The following LOC400499 variants were observed in gnomAD, a reference collection of about 807,000 sequenced individuals.
At chr16:11,450,648 GC>G in the LOC400499 span, 1 of 1,536,118 alleles carries the variant, frequency 6.5e-7, no homozygotes, top group Admixed American at 2.0e-5. Context: ...CCTGGATCTT[GC>G]CTTCCCTGTT....
chr16:11,412,910 G>A, the LOC400499 span: 1 of 399,142 alleles, frequency 2.5e-6, no homozygotes, highest in Non-Finnish European at 4.4e-6. Context: ...CAGCTGCAGT[G>A]AGGAGCTCAT....
chr16:11,398,206 A>T, the LOC400499 span: 1 of 621,540 alleles, frequency 1.6e-6, no homozygotes, highest in Non-Finnish European at 2.3e-6. Context: ...CCAGTCACCC[A>T]GCAGGCAAAT....
At chr16:11,460,850 T>TGTTGG in the LOC400499 span, 3 of 1,358,164 alleles carry the variant, frequency 2.2e-6, no homozygotes, top group South Asian at 4.5e-5. Context: ...ACAGAATGAC[T>TGTTGG]AATGGAAAAC....
At chr16:11,511,095 C>G in the LOC400499 span, among the ~76,000 whole-genome samples, 1 of 146,234 alleles carries the variant, frequency 6.8e-6, no homozygotes, top group African/African-American at 2.6e-5. Context: ...CTTCTGGGCT[C>G]AGGTGATCCT....
the LOC400499 span, among the ~76,000 whole-genome samples, chr16:11,504,280 G>C: frequency 6.6e-6 from 1 of 152,226 alleles, no homozygotes; most frequent in Non-Finnish European, 1.5e-5. Flanking sequence ...CCAGGGCCTG[G>C]CGCGGTGGTT....
the LOC400499 span, chr16:11,401,309 G>T: frequency 5.5e-5 from 22 of 399,110 alleles, no homozygotes; most frequent in Non-Finnish European, 8.8e-5. Context: ...AAGGCCACTG[G>T]CCTCGGCTTG....
chr16:11,469,693 T>G, the LOC400499 span: 56 of 398,868 alleles, frequency 1.4e-4, no homozygotes, highest in Non-Finnish European at 2.3e-4. Flanking sequence ...TCTTCAAGAT[T>G]GAGAGCCTCC....
At chr16:11,398,130 G>A in the LOC400499 span, among the ~76,000 whole-genome samples, 6 of 152,146 alleles carry the variant, frequency 3.9e-5, no homozygotes, top group Admixed American at 6.5e-5. Context: ...ATCACTCTAC[G>A]TCCTGGAACC....
the LOC400499 span, chr16:11,423,317 G>A: frequency 5.5e-3 from 2,213 of 399,052 alleles, 54 homozygotes; most frequent in African/African-American, 0.041. Flanking sequence ...GTGAACCGTC[G>A]TGGATGCCAA....
the LOC400499 span, chr16:11,488,698 G>A: frequency 1.0e-5 from 4 of 399,006 alleles, no homozygotes; most frequent in African/African-American, 4.1e-5. Context: ...GGCTGCCCAG[G>A]ATGGCCATAC....
At chr16:11,442,331 C>T in the LOC400499 span, 1 of 152,394 alleles carries the variant, frequency 6.6e-6, no homozygotes, top group Non-Finnish European at 1.5e-5. Flanking sequence ...AGCGATTCTC[C>T]TGCCTCAGCC....
the LOC400499 span, chr16:11,491,584 C>G: frequency 2.6e-6 from 1 of 384,388 alleles, no homozygotes; most frequent in Non-Finnish European, 4.6e-6. Flanking sequence ...AAGAACACAG[C>G]AGAATACCAA....
the LOC400499 span, chr16:11,399,868 G>C: frequency 3.5e-5 from 14 of 398,516 alleles, no homozygotes; most frequent in Middle Eastern, 6.2e-4. Flanking sequence ...GTAGGGGAGA[G>C]GAGAGGTTAA....
the LOC400499 span, chr16:11,384,004 C>T: frequency 1.6e-6 from 2 of 1,231,782 alleles, no homozygotes; most frequent in Admixed American, 4.2e-5. Flanking sequence ...GCAGTCACCA[C>T]CCACCTGGCA....
At chr16:11,515,877 CCCA>C in the LOC400499 span, 2 of 33,034 alleles carry the variant, frequency 6.1e-5, no homozygotes, top group African/African-American at 2.0e-4. Context: ...CCCAGCCCAG[CCCA>C]GCCCAGCCCA....
At chr16:11,404,712 C>T in the LOC400499 span, 1 of 399,044 alleles carries the variant, frequency 2.5e-6, no homozygotes, top group Non-Finnish European at 4.4e-6. Context: ...ACCCTGCAGG[C>T]TGAGGTTCCT....
the LOC400499 span, chr16:11,446,856 T>C: frequency 0.82 from 1,252,756 of 1,535,882 alleles, 512,265 homozygotes; most frequent in South Asian, 0.85. Context: ...GCCTATCAGC[T>C]GTGAAGGTCT....
the LOC400499 span, among the ~76,000 whole-genome samples, chr16:11,380,137 GTAGATGTATAGT>G: frequency 6.6e-6 from 1 of 151,908 alleles, no homozygotes; most frequent in Non-Finnish European, 1.5e-5. Flanking sequence ...TATGTTTAAC[GTAGATGTATAGT>G]TATACATCTT....
the LOC400499 span, among the ~76,000 whole-genome samples, chr16:11,459,053 AAAATAAAT>A: frequency 2.0e-5 from 3 of 151,760 alleles, no homozygotes; most frequent in Admixed American, 6.6e-5. Context: ...AATAAAAAAT[AAAATAAAT>A]AAATAAATAA....
Sources: gnomAD v4.1 joint callset for allele counts (sites outside exome capture counted in the v4.1 genomes callset) on GRCh38, gnomAD v4.1.1 for gene constraint, MANE v1.5 for transcripts.